The following CD58 variants were observed in gnomAD, a reference collection of about 807,000 sequenced individuals.
CD58 encodes lymphocyte function-associated antigen 3.
CD58 carries 14 observed loss-of-function variants against 27.6 expected under a neutral mutation model. The ratio of observed to expected loss-of-function variants is 0.51; its 90% CI spans 0.34 to 0.79. CD58 has a LOEUF of 0.79. Among genes scored for constraint, CD58 ranks in the 30% least tolerant of loss-of-function variants. The pLI, the probability that CD58 is intolerant of heterozygous loss-of-function variation, is 0.02. For missense variants in CD58, 268 were observed against 301.7 expected (o/e 0.89, Z 0.83); for synonymous variants, 117 against 103.8 (o/e 1.13, Z -0.77).
intron 3 of CD58, among the ~76,000 whole-genome samples, chr1:116,530,777 A>T (rs537406009): frequency 6.6e-6 from 1 of 152,160 alleles, no homozygotes. Flanking sequence ...TTCAAAAATC[A>T]TCTCAGAAAA....
At chr1:116,533,295 A>T (rs1449786613) in intron 3 of CD58, 7 of 1,381,622 alleles carry the variant, frequency 5.1e-6, no homozygotes, top group Non-Finnish European at 6.2e-6. Flanking sequence ...CTTTTTCTTG[A>T]TGGTTTTGAC....
chr1:116,516,544 T>C lies in CD58; in HGVS notation c.744-1722A>G, dbSNP rs1657087339. 6.6e-6 allele frequency among the ~76,000 whole-genome samples: 1 copy of C among 152,220 alleles called. No individual in the cohort carries two copies. Among genetic ancestry groups the C allele is most frequent in the Non-Finnish European group, 1.5e-5 (1 of 68,044 alleles). ...GCAAATATTCAGTGTCTTTTGCCTC[T>C]ACTTCAACTCGATGCCAGGCAGGTC... On this transcript the variant is annotated intron_variant, in intron 5 of 5. Transcript: ENST00000369489. The surrounding 1 kb of genome is among the most constrained non-coding windows in gnomAD (Gnocchi z 6.1).
In CD58 at chr1:116,516,196, A is replaced by C. The variant is rs997302863; in HGVS notation, c.744-1374T>G. Among the ~76,000 whole-genome samples the C allele has an allele frequency of 6.6e-6, 1 of 152,182 alleles. No homozygotes were observed. Among genetic ancestry groups the C allele is most frequent in the Non-Finnish European group, 1.5e-5 (1 of 68,026 alleles). Reference sequence around the variant, plus strand: ...GGTGTGTGCTACCATACCCAGCTTCATAACCCTTTAGTAACTGAGCTTAGA... The same window carrying C: ...GGTGTGTGCTACCATACCCAGCTTCCTAACCCTTTAGTAACTGAGCTTAGA... On this transcript the variant is annotated intron_variant, in intron 5 of 5. Coordinates refer to ENST00000369489, the MANE Select transcript of CD58 (RefSeq NM_001779.3). The surrounding 1 kb of genome is among the most constrained non-coding windows in gnomAD (Gnocchi z 6.1).
intron 3 of CD58, among the ~76,000 whole-genome samples, chr1:116,525,392 T>C (rs1229981306): frequency 1.3e-5 from 2 of 151,682 alleles, no homozygotes; most frequent in Non-Finnish European, 3.0e-5. Flanking sequence ...TGAATAATAT[T>C]CTATTGTCTG....
Position 116,559,326 on chromosome 1 carries a change from C to G in CD58, c.70+11577G>C, listed in dbSNP as rs1658679293. Among the ~76,000 whole-genome samples, 1 of 152,180 alleles carries G rather than the reference C, an allele frequency of 6.6e-6. No homozygotes were observed. The highest frequency in any genetic ancestry group is 2.4e-5 in the African/African-American group (1 of 41,434). ...ATAGAGAAGGTCAAAGATTCCGAAG[C>G]ACCAGGCTACAGATGAAGAAATGGA... On this transcript the variant is annotated intron_variant, in intron 1 of 5. Transcript: ENST00000369489. The surrounding 1 kb of genome is among the most constrained non-coding windows in gnomAD (Gnocchi z 4.4).
chr1:116,530,976 T>A (rs1006251767), intron 3 of CD58, among the ~76,000 whole-genome samples: 1 of 152,096 alleles, frequency 6.6e-6, no homozygotes, highest in Non-Finnish European at 1.5e-5. Flanking sequence ...CAAGCAACAT[T>A]CCTCAAACTT....
In CD58 at chr1:116,516,971, G is replaced by T. The variant is rs1657099369; in HGVS notation, c.744-2149C>A. On this transcript the variant is annotated intron_variant, in intron 5 of 5. Transcript: ENST00000369489. The surrounding 1 kb of genome is among the most constrained non-coding windows in gnomAD (Gnocchi z 6.1). The stretch of plus-strand genomic sequence containing the variant: ...CACCCTATCAGCTAGCACAGTGCCT[G>T]GTATCGCATAATCTCCATAACGTTT... Among the ~76,000 whole-genome samples, 1 of 152,060 alleles carries T rather than the reference G, an allele frequency of 6.6e-6. No homozygotes were observed.
intron 3 of CD58, among the ~76,000 whole-genome samples, chr1:116,529,239 C>T (rs551035979): frequency 2.0e-4 from 30 of 152,158 alleles, no homozygotes; most frequent in Non-Finnish European, 4.3e-4. Flanking sequence ...TCACGTGCTG[C>T]CATAAACCAG....
In CD58 at chr1:116,535,579, C is replaced by T. The variant is rs1198352556; in HGVS notation, c.628+386G>A. Among the ~76,000 whole-genome samples, 4 of 98,226 alleles carry T rather than the reference C, an allele frequency of 4.1e-5. 1 individual carries two copies. Among genetic ancestry groups the T allele is most frequent in the African/African-American group, 1.0e-4 (2 of 19,646 alleles). The allele number at this position is 98,226 out of a possible 152,430, so 64.4% of individuals were successfully genotyped here. A position where few individuals can be genotyped will look rare whatever the true frequency, so the allele number is the denominator to read the frequency against. On this transcript the variant is annotated intron_variant, in intron 3 of 5. Transcript: ENST00000369489. ...CTTGTTGGCCGGGCGCGGTGGCTCA[C>T]GCCTGTAATCCCAGCACTTTGGGAG...
chr1:116,548,627 G>A (rs1658277679), intron 1 of CD58, among the ~76,000 whole-genome samples: 1 of 151,472 alleles, frequency 6.6e-6, no homozygotes, highest in South Asian at 2.1e-4. Context: ...TAAGGCTTCT[G>A]GTAGGCTATT....
In CD58 at chr1:116,519,688, TATAAA is replaced by T. The variant is rs1657208143; in HGVS notation, c.707-426_707-422del. On this transcript the variant is annotated intron_variant, in intron 4 of 5. Transcript: ENST00000369489. The surrounding 1 kb of genome is among the most constrained non-coding windows in gnomAD (Gnocchi z 4.7). ...TTTATTTAACACAATGTGTCACAAATATAAAATTATTTCAACATGTACTCAATATA... is the reference window on the plus strand; with the variant it reads ...TTTATTTAACACAATGTGTCACAAATATTATTTCAACATGTACTCAATATA... Among the ~76,000 whole-genome samples the T allele has an allele frequency of 6.6e-6, 1 of 152,218 alleles. No individual in the cohort carries two copies. Among genetic ancestry groups the T allele is most frequent in the South Asian group, 2.1e-4 (1 of 4,832 alleles).
At chr1:116,526,052 T>C (rs1657420866) in intron 3 of CD58, among the ~76,000 whole-genome samples, 1 of 152,200 alleles carries the variant, frequency 6.6e-6, no homozygotes, top group South Asian at 2.1e-4. Context: ...TGTTTGTGTT[T>C]TTCTTGTTGA....
At position 116,517,316 on chromosome 1, in the gene CD58, AC is replaced by A. The variant is rs1282727232; in HGVS notation, c.743+1914del. Among the ~76,000 whole-genome samples, 2 of 151,330 alleles carry A rather than the reference AC, an allele frequency of 1.3e-5. No homozygotes were observed. Among genetic ancestry groups the A allele is most frequent in the Non-Finnish European group, 2.9e-5 (2 of 67,838 alleles). ...CTCTGCCCAGCCTCCTGGCCCATCAACCCCTCATGGCCTTGGGTCCTCCCAG... is the reference window on the plus strand; with the variant it reads ...CTCTGCCCAGCCTCCTGGCCCATCAACCCTCATGGCCTTGGGTCCTCCCAG... On this transcript the variant is annotated intron_variant, in intron 5 of 5. Coordinates refer to ENST00000369489, the MANE Select transcript of CD58 (RefSeq NM_001779.3). The surrounding 1 kb of genome is among the most constrained non-coding windows in gnomAD (Gnocchi z 6.5).
At chr1:116,555,689 A>G (rs1369094654) in intron 1 of CD58, among the ~76,000 whole-genome samples, 2 of 152,218 alleles carry the variant, frequency 1.3e-5, no homozygotes, top group Non-Finnish European at 2.9e-5. Flanking sequence ...CAAAACATCA[A>G]CACCTCAATT....
At chr1:116,533,093 T>C in intron 3 of CD58, 1 of 743,950 alleles carries the variant, frequency 1.3e-6, no homozygotes. Context: ...CCCAGCGAAG[T>C]ACAGCACAGC....
chr1:116,527,029 A>G lies in CD58; in HGVS notation c.629-5046T>C, dbSNP rs995646264. Among the ~76,000 whole-genome samples, 1 of 152,124 alleles carries G rather than the reference A, an allele frequency of 6.6e-6. No individual in the cohort carries two copies. Among genetic ancestry groups the G allele is most frequent in the South Asian group, 2.1e-4 (1 of 4,826 alleles). ...ATTGACTTTTGTATATTAACTTTGT[A>G]TCCTACAAATGTGCTATAGTTTTTT... On this transcript the variant is annotated intron_variant, in intron 3 of 5. Coordinates refer to ENST00000369489, the MANE Select transcript of CD58 (RefSeq NM_001779.3). This position sits in a 1 kb window ranked among gnomAD's most constrained non-coding sequence, Gnocchi z 4.4.
At chr1:116,529,308 C>A (rs1396728241) in intron 3 of CD58, among the ~76,000 whole-genome samples, 2 of 152,212 alleles carry the variant, frequency 1.3e-5, no homozygotes, top group African/African-American at 2.4e-5. Flanking sequence ...TCCATGCTAT[C>A]TACTCTGACC....
At chr1:116,551,006 A>G (rs1162760290) in intron 1 of CD58, among the ~76,000 whole-genome samples, 2 of 152,214 alleles carry the variant, frequency 1.3e-5, no homozygotes, top group Non-Finnish European at 2.9e-5. Flanking sequence ...TACAATATTC[A>G]GTAAACCATG....
Position 116,521,246 on chromosome 1 carries a change from T to C in CD58, c.706+660A>G, listed in dbSNP as rs1298525921. ...ACTCTTCGGCATTCCCTGTCTGGCA[T>C]ATTTCCTTTTGGTGAAGGCTGGTAT... is the stretch of plus-strand genomic sequence containing the variant. On this transcript the variant is annotated intron_variant, in intron 4 of 5. Coordinates refer to ENST00000369489, the MANE Select transcript of CD58 (RefSeq NM_001779.3). The surrounding 1 kb of genome is among the most constrained non-coding windows in gnomAD (Gnocchi z 5.6). Among the ~76,000 whole-genome samples the C allele has an allele frequency of 6.6e-6, 1 of 152,204 alleles. No homozygotes were observed. The highest frequency in any genetic ancestry group is 1.5e-5 in the Non-Finnish European group (1 of 68,044).
Sources: gnomAD v4.1 joint callset for allele counts (sites outside exome capture counted in the v4.1 genomes callset) on GRCh38, gnomAD v4.1.1 for gene constraint, Gnocchi (gnomAD v3.1) non-coding constraint, MANE v1.5 for transcripts, NCBI Gene and HGNC (gene_info 2026-07-23, HGNC 2026-07-21) for gene names.